Variants in KPNA5 observed in about 807,000 individuals in gnomAD.
The protein encoded by KPNA5 is importin subunit alpha-6.
Under a neutral mutation model 71.3 loss-of-function variants are expected in KPNA5, and 46 were observed. The observed-to-expected ratio is 0.65, with a 90% CI of 0.51 to 0.83. KPNA5 has a LOEUF of 0.83. Ranked by LOEUF, KPNA5 falls within the 40% of genes least tolerant of loss-of-function variation. The pLI, the probability that KPNA5 is intolerant of heterozygous loss-of-function variation, is 0.00. For synonymous variants in KPNA5, 207 were observed against 201.4 expected, an observed-to-expected ratio of 1.03 and a Z score of -0.24; for missense variants, 547 against 628.3, an observed-to-expected ratio of 0.87 and a Z score of 1.38.
rs1051315622 is a variant in KPNA5 at position 116,738,849 on chromosome 6, T to G, written c.*6526T>G. ...ATAAATTAGGTATTGATGGGACGTA[T>G]CTCCAAATAATAAGAGCTATCTATG... On this transcript the variant is annotated 3_prime_UTR_variant, in exon 14 of 14. Transcript: ENST00000368564. 5 of 152,076 alleles carry G rather than the reference T, an allele frequency of 3.3e-5. No homozygotes were observed. The highest frequency in any genetic ancestry group is 1.3e-4 in the Admixed American group (2 of 15,248). 9.4% of individuals were successfully genotyped at this position (152,076 alleles called of 1,614,324 possible). A position where few individuals can be genotyped will look rare whatever the true frequency, so the allele number is the denominator to read the frequency against.
chr6:116,688,551 G>C (rs758185546), intron 1 of KPNA5, among the ~76,000 whole-genome samples: 10 of 151,982 alleles, frequency 6.6e-5, no homozygotes, highest in Non-Finnish European at 1.2e-4. Flanking sequence ...CTGTTACATT[G>C]TTAAAGTTTA....
rs1779879656 is a variant in KPNA5 at position 116,741,833 on chromosome 6, T to G, written c.*9510T>G. ...CTTAATCCCCATGACTGTCCTTCAGTCACAATTCCAGAATAAAAGAATCTA... is the reference window on the plus strand; with the variant it reads ...CTTAATCCCCATGACTGTCCTTCAGGCACAATTCCAGAATAAAAGAATCTA... On this transcript the variant is annotated 3_prime_UTR_variant, in exon 14 of 14. Coordinates refer to ENST00000368564, the MANE Select transcript of KPNA5 (RefSeq NM_001366306.2). 6.6e-6 allele frequency: 1 copy of G among 152,164 alleles called. No individual in the cohort carries two copies. Among genetic ancestry groups the G allele is most frequent in the South Asian group, 2.1e-4 (1 of 4,832 alleles). 9.4% of individuals were successfully genotyped at this position (152,164 alleles called of 1,614,324 possible). A position where few individuals can be genotyped will look rare whatever the true frequency, so the allele number is the denominator to read the frequency against.
At chr6:116,726,386 AGGTTCCAAAAACCTTGACATTTT>A in intron 11 of KPNA5, 86 bp from the exon 12 acceptor site, 1 of 811,506 alleles carries the variant, frequency 1.2e-6, no homozygotes, top group Non-Finnish European at 1.9e-6. Context: ...TTTAATGTCA[AGGTTCCAAAAACCTTGACATTTT>A]GAAGCCATTG....
chr6:116,698,872 G>T (rs1778126428), intron 5 of KPNA5, 74 bp downstream of exon 5: 3 of 783,196 alleles, frequency 3.8e-6, no homozygotes, highest in Non-Finnish European at 6.1e-6. Context: ...AGCAACTTCT[G>T]CAGTATTGAC....
rs1369617873 is a variant in KPNA5, at chr6:116,733,543, C to A, written c.*1220C>A. The A allele has an allele frequency of 6.6e-6, 1 of 151,202 alleles. No individual in the cohort carries two copies. The highest frequency in any genetic ancestry group is 1.5e-5 in the Non-Finnish European group (1 of 67,584). 9.4% of individuals were successfully genotyped at this position (151,202 alleles called of 1,614,324 possible). ...ATGTTTTATGATTTAACAGCAAAAA[C>A]CTCTTCAAACGGAAAATTTGAAAGA... On this transcript the variant is annotated 3_prime_UTR_variant, in exon 14 of 14. Transcript: ENST00000368564.
rs554473482 is a variant in KPNA5 at position 116,704,897 on chromosome 6, T to A, written c.568-175T>A. ...CAGCTGGAAAACTTTTTAAATGTCC[T>A]ATCTTTCAATTTGAATAAAAATATT... is the stretch of plus-strand genomic sequence containing the variant. On this transcript the variant is annotated intron_variant, in intron 6 of 13. Coordinates refer to ENST00000368564, the MANE Select transcript of KPNA5 (RefSeq NM_001366306.2). 4.9e-4 allele frequency among the ~76,000 whole-genome samples: 74 copies of A among 152,342 alleles called. 1 individual carries two copies. In the South Asian group the frequency reaches 0.015, roughly 31 times the overall value.
chr6:116,711,912 C>G (rs9489017), intron 7 of KPNA5, among the ~76,000 whole-genome samples: 1 of 152,194 alleles, frequency 6.6e-6, no homozygotes, highest in African/African-American at 2.4e-5. Flanking sequence ...TGAGCCACTG[C>G]GCTAGGCCTA....
intron 7 of KPNA5, among the ~76,000 whole-genome samples, chr6:116,706,604 G>A (rs1333345491): frequency 6.6e-6 from 1 of 152,112 alleles, no homozygotes; most frequent in Non-Finnish European, 1.5e-5. Flanking sequence ...CAGCAGAATC[G>A]CTTGTACCCA....
chr6:116,738,949 GGA>G lies in KPNA5; in HGVS notation c.*6627_*6628del, dbSNP rs1779767907. ...CCCTTTGAAAACTGGCACAAGACAG[GGA>G]TGCCCTCTCTCACCACTCCTATTCA... On this transcript the variant is annotated 3_prime_UTR_variant, in exon 14 of 14. Transcript: ENST00000368564. 1.3e-5 allele frequency: 2 copies of G among 151,142 alleles called. No individual in the cohort carries two copies. Among genetic ancestry groups the G allele is most frequent in the Admixed American group, 1.3e-4 (2 of 15,160 alleles). The allele number at this position is 151,142 out of a possible 1,614,324, so 9.4% of individuals were successfully genotyped here. A position where few individuals can be genotyped will look rare whatever the true frequency, so the allele number is the denominator to read the frequency against.
At chr6:116,698,238 G>A (rs531853423) in intron 4 of KPNA5, among the ~76,000 whole-genome samples, 5 of 151,970 alleles carry the variant, frequency 3.3e-5, no homozygotes, top group Non-Finnish European at 4.4e-5. Context: ...TAGACAGTCC[G>A]TTAACATTTC....
intron 7 of KPNA5, among the ~76,000 whole-genome samples, chr6:116,707,114 A>G (rs1189798337): frequency 6.6e-6 from 1 of 152,172 alleles, no homozygotes; most frequent in Non-Finnish European, 1.5e-5. Context: ...CAGTGAGCCA[A>G]GATCACGCCA....
intron 7 of KPNA5, among the ~76,000 whole-genome samples, chr6:116,707,601 A>G (rs1400533914): frequency 6.6e-6 from 1 of 152,226 alleles, no homozygotes; most frequent in Non-Finnish European, 1.5e-5. Context: ...AGTAATAAAA[A>G]CGAGAAGGAG....
Position 116,710,136 on chromosome 6 carries a change from T to A in KPNA5, c.656+4976T>A, listed in dbSNP as rs149035684. Among the ~76,000 whole-genome samples, 599 of 152,358 alleles carry A rather than the reference T, an allele frequency of 3.9e-3. 15 individuals carry two copies. In the South Asian group the frequency reaches 0.041, roughly 10 times the overall value. On this transcript the variant is annotated intron_variant, in intron 7 of 13. Transcript: ENST00000368564. ...CATCCAATGAGATAACTTGTTTTTTTAAATTCATTATATTAATATGGTTTA... is the reference window on the plus strand; with the variant it reads ...CATCCAATGAGATAACTTGTTTTTTAAAATTCATTATATTAATATGGTTTA...
intron 7 of KPNA5, among the ~76,000 whole-genome samples, 195 bp downstream of exon 7, chr6:116,705,355 C>T (rs111875715): frequency 4.9e-4 from 74 of 152,232 alleles, no homozygotes; most frequent in African/African-American, 1.5e-3. Context: ...TTAAACCACA[C>T]GTAACAGTGG....
chr6:116,732,203 G>C lies in KPNA5; in HGVS notation c.1500G>C (p.Leu500=). 1 of 1,582,574 alleles carries C rather than the reference G, an allele frequency of 6.3e-7. No individual in the cohort carries two copies. Residue 500 remains leucine, a synonymous_variant, in exon 14 of 14, where the codon CTG becomes CTC. Transcript: ENST00000368564. Reference sequence around the variant, plus strand: ...AAATTTACCAGAAGGCATTTGATCTGATTGAACATTACTTTGGTGTAGAAG... The same window carrying C: ...AAATTTACCAGAAGGCATTTGATCTCATTGAACATTACTTTGGTGTAGAAG... The part of the protein sequence containing the change: ...NQEIYQKAFD[L]IEHYFGVEED...
chr6:116,694,724 A>T (rs1008637262), intron 4 of KPNA5, among the ~76,000 whole-genome samples: 1 of 151,960 alleles, frequency 6.6e-6, no homozygotes, highest in African/African-American at 2.4e-5. Context: ...AAAATAATGT[A>T]ATCAGGCATT....
Position 116,733,289 on chromosome 6 carries a change from A to C in KPNA5, c.*966A>C, listed in dbSNP as rs1363659544. On this transcript the variant is annotated 3_prime_UTR_variant, in exon 14 of 14. Transcript: ENST00000368564. ...CTAGTTTAAGTTTAAGTACAAGTAC[A>C]AGTTTAGGTACTCGAATGACAAAAT... 1 of 151,664 alleles carries C rather than the reference A, an allele frequency of 6.6e-6. No homozygotes were observed. Among genetic ancestry groups the C allele is most frequent in the East Asian group, 1.9e-4 (1 of 5,188 alleles). The allele number at this position is 151,664 out of a possible 1,614,324, so 9.4% of individuals were successfully genotyped here.
chr6:116,685,827 G>A (rs1417176852), intron 1 of KPNA5, among the ~76,000 whole-genome samples: 3 of 152,110 alleles, frequency 2.0e-5, no homozygotes, highest in African/African-American at 7.2e-5. Context: ...TGGGCCAAAT[G>A]GTAGTTCTAT....
intron 4 of KPNA5, among the ~76,000 whole-genome samples, chr6:116,694,161 C>T: frequency 6.6e-6 from 1 of 152,148 alleles, no homozygotes; most frequent in Non-Finnish European, 1.5e-5. Flanking sequence ...AGTTTGAAAT[C>T]AGGTAGCATG....
Sources: gnomAD v4.1 joint callset for allele counts (sites outside exome capture counted in the v4.1 genomes callset) on GRCh38, gnomAD v4.1.1 for gene constraint, MANE v1.5 for transcripts, NCBI Gene and HGNC (gene_info 2026-07-23, HGNC 2026-07-21) for gene names.